TMEM108: variants seen among roughly 807,000 people sequenced by gnomAD.
TMEM108 encodes cancer/testis antigen 124.
A neutral mutation model predicts 35.1 loss-of-function variants in TMEM108; 12 were observed. That is an observed-to-expected ratio of 0.34 (90% CI 0.22 to 0.55). The LOEUF (loss-of-function observed/expected upper bound fraction) is 0.55. Among genes scored for constraint, TMEM108 ranks in the 20% least tolerant of loss-of-function variants. The probability of loss-of-function intolerance (pLI) is 0.89; values close to 1 mark genes in which losing one functional copy is unlikely to be tolerated. For synonymous variants in TMEM108, 287 were observed against 308.6 expected (o/e 0.93, Z 0.73); for missense variants, 680 against 753.3 (o/e 0.90, Z 1.14).
intron 2 of TMEM108, among the ~76,000 whole-genome samples, chr3:133,201,104 A>G (rs1468165827): frequency 6.6e-6 from 1 of 152,200 alleles, no homozygotes; most frequent in African/African-American, 2.4e-5. Flanking sequence ...GTCAAGACAC[A>G]TGAAATTTCT....
intron 3 of TMEM108, among the ~76,000 whole-genome samples, chr3:133,351,178 T>C (rs2071985247): frequency 6.6e-6 from 1 of 152,196 alleles, no homozygotes. Context: ...GCACTGCTTT[T>C]CTCAAACCCT....
intron 2 of TMEM108, among the ~76,000 whole-genome samples, chr3:133,064,109 G>A (rs569386434): frequency 1.2e-4 from 19 of 152,250 alleles, no homozygotes; most frequent in South Asian, 6.2e-4. Context: ...AGGACAGAGC[G>A]TGTGTGATGG....
rs138946285 is a variant in TMEM108 at position 133,133,506 on chromosome 3, ATATTCACTTTATTATGG to A, written c.-47+87489_-47+87505del. 2.3e-3 allele frequency among the ~76,000 whole-genome samples: 353 copies of A among 152,214 alleles called. 6 individuals carry two copies. The East Asian group carries it at 0.052, about 22-fold the overall frequency. ...AATCTGTGTGACTCACTTTATTGTG[ATATTCACTTTATTATGG>A]TAGTCTGAAACTGGACCTGCAACAT... On this transcript the variant is annotated intron_variant, in intron 2 of 5. Transcript: ENST00000321871.
chr3:133,221,731 G>T (rs1945996207), intron 2 of TMEM108, among the ~76,000 whole-genome samples: 1 of 136,122 alleles, frequency 7.3e-6, no homozygotes, highest in Non-Finnish European at 1.5e-5. Context: ...TTACCATGAG[G>T]CTTACATAAA....
At chr3:133,102,486 G>A (rs1944100887) in intron 2 of TMEM108, among the ~76,000 whole-genome samples, 1 of 152,188 alleles carries the variant, frequency 6.6e-6, no homozygotes, top group Middle Eastern at 3.4e-3. Context: ...GTGTGCTCAT[G>A]TACCGCCACA....
intron 2 of TMEM108, among the ~76,000 whole-genome samples, chr3:133,051,023 C>T (rs946457596): frequency 2.0e-5 from 3 of 149,220 alleles, no homozygotes; most frequent in African/African-American, 7.4e-5. Flanking sequence ...CCTTTGGGAA[C>T]ATTCCAAGGA....
intron 3 of TMEM108, among the ~76,000 whole-genome samples, chr3:133,232,555 G>A (rs1452835259): frequency 6.6e-6 from 1 of 152,148 alleles, no homozygotes; most frequent in East Asian, 1.9e-4. Flanking sequence ...TTTCTTTATA[G>A]CAACACTAAA....
intron 3 of TMEM108, among the ~76,000 whole-genome samples, chr3:133,257,462 G>A (rs1037109860): frequency 1.3e-5 from 2 of 152,108 alleles, no homozygotes; most frequent in Admixed American, 1.3e-4. Context: ...AGCTTTGCTC[G>A]TGTCTAGAAA....
intron 3 of TMEM108, among the ~76,000 whole-genome samples, chr3:133,322,636 G>A (rs2071280712): frequency 6.6e-6 from 1 of 152,106 alleles, no homozygotes; most frequent in African/African-American, 2.4e-5. Flanking sequence ...CCAAAAGATA[G>A]AGAAACAGGG....
chr3:133,334,616 G>A (rs1044609771), intron 3 of TMEM108, among the ~76,000 whole-genome samples: 6 of 152,084 alleles, frequency 3.9e-5, no homozygotes, highest in African/African-American at 1.4e-4. Context: ...CACTCCTTGG[G>A]GCAGGTCTGA....
chr3:133,102,186 T>C (rs2107716197), intron 2 of TMEM108, among the ~76,000 whole-genome samples: 1 of 152,334 alleles, frequency 6.6e-6, no homozygotes, highest in South Asian at 2.1e-4. Flanking sequence ...CCCAGCATAC[T>C]GTAGAGATGC....
chr3:133,369,184 A>G (rs145370279), intron 3 of TMEM108, among the ~76,000 whole-genome samples: 119 of 152,286 alleles, frequency 7.8e-4, no homozygotes, highest in African/African-American at 2.8e-3. Flanking sequence ...AAGAGTCACA[A>G]TAGGAACAGG....
intron 3 of TMEM108, among the ~76,000 whole-genome samples, chr3:133,327,814 GAA>G (rs2107724885): frequency 1.3e-5 from 2 of 152,186 alleles, no homozygotes; most frequent in South Asian, 4.1e-4. Flanking sequence ...AAAGACAAAA[GAA>G]GAGTCAAGAA....
At chr3:133,231,749 A>G (rs755901706) in intron 3 of TMEM108, among the ~76,000 whole-genome samples, 2 of 152,208 alleles carry the variant, frequency 1.3e-5, no homozygotes, top group African/African-American at 4.8e-5. Context: ...TTTGTTTAAA[A>G]AAACAAAAAC....
At position 133,397,602 on chromosome 3, in the gene TMEM108, T is replaced by C. The variant is rs1205373578; in HGVS notation, c.*1616T>C. The C allele has an allele frequency of 2.0e-5, 3 of 152,192 alleles. No individual in the cohort carries two copies. Among genetic ancestry groups the C allele is most frequent in the Non-Finnish European group, 4.4e-5 (3 of 68,026 alleles). 9.4% of individuals were successfully genotyped at this position (152,192 alleles called of 1,614,324 possible). On this transcript the variant is annotated 3_prime_UTR_variant, in exon 6 of 6. Transcript: ENST00000321871. ...TTAACTGTTACATTTAATATACCAA[T>C]GTGTGTAAGTATACAGAGAAAAATC...
intron 2 of TMEM108, among the ~76,000 whole-genome samples, chr3:133,150,350 T>TTTTTG (rs1264752262): frequency 1.3e-5 from 2 of 150,546 alleles, no homozygotes; most frequent in Non-Finnish European, 3.0e-5. Context: ...TGGTTTTTTT[T>TTTTTG]TTTTTTTTGC....
intron 3 of TMEM108, among the ~76,000 whole-genome samples, chr3:133,286,228 CTCT>C (rs1207356162): frequency 6.6e-6 from 1 of 152,210 alleles, no homozygotes; most frequent in Non-Finnish European, 1.5e-5. Context: ...TGATAAAACT[CTCT>C]TCTTCTGAGC....
chr3:133,241,967 A>C (rs1315733935), intron 3 of TMEM108, among the ~76,000 whole-genome samples: 1 of 151,768 alleles, frequency 6.6e-6, no homozygotes, highest in African/African-American at 2.4e-5. Context: ...AAATAGTAGA[A>C]TTTTTTTTCA....
intron 3 of TMEM108, among the ~76,000 whole-genome samples, chr3:133,299,518 T>G (rs1453352186): frequency 6.6e-6 from 1 of 152,168 alleles, no homozygotes; most frequent in Non-Finnish European, 1.5e-5. Context: ...TACGTTTATA[T>G]AGAAGATGAC....
Sources: gnomAD v4.1 joint callset for allele counts (sites outside exome capture counted in the v4.1 genomes callset) on GRCh38, gnomAD v4.1.1 for gene constraint, MANE v1.5 for transcripts, NCBI Gene and HGNC (gene_info 2026-07-23, HGNC 2026-07-21) for gene names.